Variants in TLN2 observed in about 807,000 individuals in gnomAD.
TLN2 encodes the protein talin-2.
TLN2 carries 118 observed loss-of-function variants against 294.7 expected under a neutral mutation model. The ratio of observed to expected loss-of-function variants is 0.40; its 90% CI spans 0.34 to 0.47. The LOEUF (loss-of-function observed/expected upper bound fraction) is 0.47, where lower values mean the gene tolerates loss of function less well. Among genes scored for constraint, TLN2 ranks in the 20% least tolerant of loss-of-function variants. The pLI is 0.84. For synonymous variants in TLN2, 1,431 were observed against 1,304.5 expected, an observed-to-expected ratio of 1.10 and a Z score of -2.09; for missense variants, 3,083 against 3,282.2, an observed-to-expected ratio of 0.94 and a Z score of 1.48.
chr15:62,635,594 G>A (rs536114865), intron 3 of TLN2, among the ~76,000 whole-genome samples: 10 of 152,264 alleles, frequency 6.6e-5, no homozygotes, highest in Admixed American at 1.3e-4. Flanking sequence ...AGTGGGGTGG[G>A]ATCAGACATG....
intron 1 of TLN2, among the ~76,000 whole-genome samples, chr15:62,529,580 G>A (rs62006693): frequency 1.4e-5 from 2 of 140,714 alleles, no homozygotes; most frequent in African/African-American, 5.4e-5. Context: ...AAAAAAAAAG[G>A]ACAGTACATC....
chr15:62,630,911 G>T (rs772571021), intron 3 of TLN2, among the ~76,000 whole-genome samples: 21 of 152,038 alleles, frequency 1.4e-4, no homozygotes, highest in Non-Finnish European at 2.8e-4. Flanking sequence ...GAGTGTGAAG[G>T]GGGAATGAAA....
chr15:62,716,594 G>C, intron 23 of TLN2, 135 bp downstream of exon 23: 1 of 1,245,864 alleles, frequency 8.0e-7, no homozygotes, highest in Admixed American at 3.4e-5. Context: ...TTGAAGGTTT[G>C]AGTACTATAA....
intron 36 of TLN2, 189 bp from the exon 37 acceptor site, chr15:62,755,343 A>C: frequency 1.6e-6 from 1 of 642,794 alleles, no homozygotes; most frequent in South Asian, 2.5e-5. Context: ...TTCTTTCTTT[A>C]TTATCTGTGC....
At chr15:62,558,807 C>T (rs565348647) in intron 1 of TLN2, among the ~76,000 whole-genome samples, 1 of 152,174 alleles carries the variant, frequency 6.6e-6, no homozygotes, top group Admixed American at 6.5e-5. Context: ...TCACGTAGTT[C>T]CCTCTGGTAC....
At chr15:62,417,252 G>A (rs1052004841) in intron 1 of TLN2, among the ~76,000 whole-genome samples, 3 of 152,146 alleles carry the variant, frequency 2.0e-5, no homozygotes, top group Non-Finnish European at 2.9e-5. Context: ...TTTGCCTGTC[G>A]CCCTCTCCAG....
At chr15:62,790,690 G>C (rs1417556917) in intron 45 of TLN2, among the ~76,000 whole-genome samples, 1 of 152,216 alleles carries the variant, frequency 6.6e-6, no homozygotes, top group Non-Finnish European at 1.5e-5. Flanking sequence ...TTTTAACTCT[G>C]TGGATCTGGA....
chr15:62,795,495 C>T (rs1484362086), intron 46 of TLN2, among the ~76,000 whole-genome samples: 1 of 152,126 alleles, frequency 6.6e-6, no homozygotes, highest in Non-Finnish European at 1.5e-5. Flanking sequence ...AGTGAACTTG[C>T]TGGGCCCTCG....
Position 62,711,923 on chromosome 15 carries a change from G to A in TLN2, c.2480G>A (p.Arg827His), listed in dbSNP as rs749680451. ...SSMGDAGEMV[R>H]QARVLAQATS... ...TTCTGTCTTCTAGGTGAAATGGTGC[G>A]CCAGGCGCGGGTTCTGGCCCAAGCC... The change falls in exon 22 of 59, where the codon CGC (arginine) becomes CAC (histidine). Residue 827 changes from arginine (R) to histidine (H), a missense_variant. Physicochemically the swap from Arg to His is conservative, Grantham distance 29. Coordinates refer to ENST00000636159, the MANE Select transcript of TLN2 (RefSeq NM_015059.3). 1.1e-5 allele frequency: 18 copies of A among 1,606,766 alleles called. No individual in the cohort carries two copies. The highest frequency in any genetic ancestry group is 9.0e-5 in the East Asian group (4 of 44,686).
intron 1 of TLN2, among the ~76,000 whole-genome samples, chr15:62,395,578 C>A (rs1291344397): frequency 2.0e-5 from 3 of 152,154 alleles, no homozygotes; most frequent in Admixed American, 6.5e-5. Context: ...CCAGCAATCC[C>A]ACATTTGCAG....
At chr15:62,665,169 C>T (rs1160804666) in intron 9 of TLN2, among the ~76,000 whole-genome samples, 1 of 152,012 alleles carries the variant, frequency 6.6e-6, no homozygotes, top group Non-Finnish European at 1.5e-5. Context: ...TGCAAGCAGT[C>T]CCCTCACCTC....
At chr15:62,546,160 T>C (rs2041982525) in intron 1 of TLN2, among the ~76,000 whole-genome samples, 1 of 152,210 alleles carries the variant, frequency 6.6e-6, no homozygotes, top group Admixed American at 6.5e-5. Context: ...AGGTCGGCAC[T>C]GATTTCTGTC....
chr15:62,770,794 G>A (rs1457500638), intron 41 of TLN2, among the ~76,000 whole-genome samples, 170 bp from the exon 42 acceptor site: 3 of 152,158 alleles, frequency 2.0e-5, no homozygotes, highest in Non-Finnish European at 4.4e-5. Flanking sequence ...TAAAAACCAA[G>A]AAAGAGTCCA....
intron 3 of TLN2, among the ~76,000 whole-genome samples, 176 bp from the exon 4 acceptor site, chr15:62,647,099 T>G (rs1382559568): frequency 6.6e-6 from 1 of 152,238 alleles, no homozygotes; most frequent in Non-Finnish European, 1.5e-5. Context: ...CTCCTTTAAA[T>G]TTTTCAAAAT....
chr15:62,818,830 C>CT (rs763245234), intron 52 of TLN2, among the ~76,000 whole-genome samples: 3,327 of 126,322 alleles, frequency 0.026, 96 homozygotes, highest in East Asian at 0.12. Context: ...TCAGCATGTT[C>CT]TTTTTTTTTT....
chr15:62,653,449 G>T, intron 7 of TLN2, 135 bp downstream of exon 7: 1 of 1,085,794 alleles, frequency 9.2e-7, no homozygotes, highest in Non-Finnish European at 1.2e-6. Flanking sequence ...AAGTAGGCTG[G>T]GCTCAGTGGC....
intron 1 of TLN2, among the ~76,000 whole-genome samples, chr15:62,486,159 A>G (rs908919498): frequency 6.6e-6 from 1 of 152,214 alleles, no homozygotes; most frequent in Non-Finnish European, 1.5e-5. Flanking sequence ...TTTGCTGCTA[A>G]ATACTTTAGA....
chr15:62,720,371 G>A (rs8025250), intron 25 of TLN2, among the ~76,000 whole-genome samples: 3,460 of 152,222 alleles, frequency 0.023, 128 homozygotes, highest in African/African-American at 0.079. Context: ...GAAAATAAAC[G>A]AAAATATTAA....
At chr15:62,653,751 A>AG (rs775781256) in intron 7 of TLN2, among the ~76,000 whole-genome samples, 2 of 136,280 alleles carry the variant, frequency 1.5e-5, no homozygotes, top group Non-Finnish European at 3.2e-5. Flanking sequence ...TAAAAATTAA[A>AG]AAAAAAAAAG....
Sources: gnomAD v4.1 joint callset for allele counts (sites outside exome capture counted in the v4.1 genomes callset) on GRCh38, gnomAD v4.1.1 for gene constraint, MANE v1.5 for transcripts, NCBI Gene and HGNC (gene_info 2026-07-23, HGNC 2026-07-21) for gene names.